FOXN3: variants seen among roughly 807,000 people sequenced by gnomAD.
FOXN3 encodes the protein forkhead box protein N3.
FOXN3 carries 7 observed loss-of-function variants against 38.4 expected under a neutral mutation model. That is an observed-to-expected ratio of 0.18 (90% confidence interval 0.10 to 0.34). The LOEUF (loss-of-function observed/expected upper bound fraction) is 0.34, where lower values mean the gene tolerates loss of function less well. Among genes scored for constraint, FOXN3 ranks in the 10% least tolerant of loss-of-function variants. FOXN3 has a pLI of 1.00. For missense variants in FOXN3, 456 were observed against 613.4 expected (o/e 0.74, Z 2.71); for synonymous variants, 230 against 242.2 (o/e 0.95, Z 0.47).
At chr14:89,513,150 GAAAAAAAA>G (rs36003791) in intron 1 of FOXN3, among the ~76,000 whole-genome samples, 46 of 102,082 alleles carry the variant, frequency 4.5e-4, no homozygotes, top group African/African-American at 1.3e-3. Flanking sequence ...TCCATCTCAG[GAAAAAAAA>G]AAAAAAAAAA....
At chr14:89,290,959 G>A (rs1020716403) in intron 3 of FOXN3, 8 of 350,592 alleles carry the variant, frequency 2.3e-5, no homozygotes, top group East Asian at 7.7e-5. Flanking sequence ...AACAGAAAGC[G>A]CTGATGTGGG....
At chr14:89,489,344 G>T (rs1893524276) in intron 1 of FOXN3, among the ~76,000 whole-genome samples, 1 of 152,168 alleles carries the variant, frequency 6.6e-6, no homozygotes, top group Non-Finnish European at 1.5e-5. Flanking sequence ...GAGGCGTTTG[G>T]CTACTAATTA....
intron 2 of FOXN3, among the ~76,000 whole-genome samples, chr14:89,388,983 C>G (rs1039510881): frequency 1.3e-5 from 2 of 152,042 alleles, no homozygotes; most frequent in African/African-American, 2.4e-5. Flanking sequence ...ACTGGGCCAT[C>G]TGAGGCTCTG....
chr14:89,418,655 G>C (rs909594793), upstream of FOXN3, among the ~76,000 whole-genome samples: 3 of 152,046 alleles, frequency 2.0e-5, no homozygotes, highest in African/African-American at 7.2e-5. Flanking sequence ...CTAAGCAAAA[G>C]GCACAAGGTG....
intron 1 of FOXN3, among the ~76,000 whole-genome samples, chr14:89,416,133 G>GCGCGCA (rs930371430): frequency 6.6e-6 from 1 of 152,056 alleles, no homozygotes; most frequent in African/African-American, 2.4e-5. Context: ...GCACGCGCGC[G>GCGCGCA]CGCGCACGCA....
intron 1 of FOXN3, among the ~76,000 whole-genome samples, chr14:89,607,363 A>G (rs990316887): frequency 2.0e-5 from 3 of 152,136 alleles, no homozygotes; most frequent in Non-Finnish European, 4.4e-5. Context: ...GTTTGAGACC[A>G]GCCTGGCCAA....
At chr14:89,558,947 T>C (rs1156788270) in intron 1 of FOXN3, among the ~76,000 whole-genome samples, 1 of 152,216 alleles carries the variant, frequency 6.6e-6, no homozygotes, top group African/African-American at 2.4e-5. Context: ...AAACTTCTTC[T>C]GATTTACCCC....
intron 1 of FOXN3, among the ~76,000 whole-genome samples, chr14:89,481,413 G>T (rs1195630664): frequency 6.6e-6 from 1 of 152,010 alleles, no homozygotes; most frequent in Non-Finnish European, 1.5e-5. Context: ...TTCCCGGCTC[G>T]TCTTCTCATT....
chr14:89,415,884 C>CACACACACACACACACACACACACACA (rs1566647933), intron 1 of FOXN3, among the ~76,000 whole-genome samples: 2 of 93,302 alleles, frequency 2.1e-5, no homozygotes, highest in African/African-American at 5.4e-5. Context: ...ACACACACAC[C>CACACACACACACACACACACACACACA]CTCTTTTGTT....
At chr14:89,584,744 A>C (rs939296517) in intron 1 of FOXN3, among the ~76,000 whole-genome samples, 3 of 150,314 alleles carry the variant, frequency 2.0e-5, no homozygotes, top group Admixed American at 6.6e-5. Flanking sequence ...ACAGAGTCTC[A>C]CTCTGTCGCC....
Position 89,381,314 on chromosome 14 carries a change from G to A in FOXN3, c.544-30506C>T, listed in dbSNP as rs1203744237. Among the ~76,000 whole-genome samples the A allele has an allele frequency of 4.6e-5, 7 of 151,906 alleles. No individual in the cohort carries two copies. In the South Asian group the frequency reaches 1.5e-3, roughly 32 times the overall value. On this transcript the variant is annotated intron_variant, in intron 2 of 5. Coordinates refer to ENST00000557258, the MANE Select transcript of FOXN3 (RefSeq NM_005197.4). ...ACTATGTACTCCCAGGATTCCTTGG[G>A]TGACTCACAGGATACCTCGAACCCC...
rs949452556 is a variant in FOXN3 at position 89,318,954 on chromosome 14, C to G, written c.680+31718G>C. ...GAGGCAGAAACACCAGACAGAGAAG[C>G]TATTGCAGGGAGTGTGAAGATGAGG... On this transcript the variant is annotated intron_variant, in intron 3 of 5. Transcript: ENST00000557258. Among the ~76,000 whole-genome samples the G allele has an allele frequency of 2.0e-5, 3 of 152,222 alleles. No homozygotes were observed. In the South Asian group the frequency reaches 6.2e-4, roughly 31 times the overall value.
intron 4 of FOXN3, among the ~76,000 whole-genome samples, chr14:89,214,876 C>T (rs1884220513): frequency 1.3e-5 from 2 of 152,368 alleles, no homozygotes; most frequent in South Asian, 4.1e-4. Context: ...TGATTCTTAT[C>T]ATCAGGCCAG....
At chr14:89,519,996 CTTTTCTTT>C (rs148539298) in intron 1 of FOXN3, among the ~76,000 whole-genome samples, 9,849 of 149,894 alleles carry the variant, frequency 0.066, 346 homozygotes, top group Middle Eastern at 0.14. Flanking sequence ...CTGGGTTTTT[CTTTTCTTT>C]TTTTCTTTTT....
intron 4 of FOXN3, among the ~76,000 whole-genome samples, chr14:89,243,022 T>C (rs1455664181): frequency 6.6e-6 from 1 of 152,118 alleles, no homozygotes; most frequent in Non-Finnish European, 1.5e-5. Flanking sequence ...TGCCCCCTGA[T>C]GGGAGACGGA....
intron 1 of FOXN3, among the ~76,000 whole-genome samples, chr14:89,479,911 A>G (rs576864613): frequency 6.6e-6 from 1 of 152,330 alleles, no homozygotes; most frequent in South Asian, 2.1e-4. Context: ...TCTATGAGTC[A>G]GTCCTTCAGA....
At chr14:89,416,496 G>T (rs1049562838) in intron 1 of FOXN3, among the ~76,000 whole-genome samples, 2 of 152,150 alleles carry the variant, frequency 1.3e-5, no homozygotes, top group Non-Finnish European at 1.5e-5. Context: ...GCACAGTTTG[G>T]CCGGGGGGTG....
At chr14:89,300,589 T>C (rs1384516922) in intron 3 of FOXN3, among the ~76,000 whole-genome samples, 6 of 152,148 alleles carry the variant, frequency 3.9e-5, no homozygotes, top group East Asian at 1.9e-4. Flanking sequence ...TGTGGAGAAA[T>C]TGTGATTTCC....
Position 89,223,242 on chromosome 14 carries a change from C to G in FOXN3, c.746-42436G>C, listed in dbSNP as rs1163476427. 8 of 152,592 alleles carry G rather than the reference C, an allele frequency of 5.2e-5. No individual in the cohort carries two copies. The East Asian group carries it at 1.3e-3, about 26-fold the overall frequency. The allele number at this position is 152,592 out of a possible 1,614,324, so 9.5% of individuals were successfully genotyped here. ...GAGGGTGGAAGGGAAGCTGGCGAGG[C>G]TGTGTCGGGTGGTCCTGAAGTCGGC... On this transcript the variant is annotated intron_variant, in intron 4 of 5. Transcript: ENST00000557258.
Sources: allele counts gnomAD v4.1 joint callset (sites outside exome capture counted in the v4.1 genomes callset), GRCh38; gene constraint gnomAD v4.1.1; transcripts MANE v1.5; gene names NCBI Gene and HGNC (gene_info 2026-07-23, HGNC 2026-07-21).